MAN2A2: variants seen among roughly 807,000 people sequenced by gnomAD.
MAN2A2 encodes mannosidase alpha class 2A member 2, also known as alpha-mannosidase 2x.
MAN2A2 carries 79 observed loss-of-function variants against 126.8 expected under a neutral mutation model. That is an observed-to-expected ratio of 0.62 (90% CI 0.52 to 0.75). The LOEUF is 0.75. MAN2A2 is among the 30% of genes least tolerant of loss of function. The probability of loss-of-function intolerance (pLI) is 0.00; values close to 1 mark genes in which losing one functional copy is unlikely to be tolerated. For synonymous variants in MAN2A2, 671 were observed against 618.7 expected (o/e 1.08, Z -1.25); for missense variants, 1,392 against 1,522.4 (o/e 0.91, Z 1.43).
intron 19 of MAN2A2, chr15:90,915,609 ACAGT>A (rs1211291281): frequency 2.6e-5 from 4 of 152,496 alleles, no homozygotes; most frequent in African/African-American, 4.8e-5. Flanking sequence ...TAACACACAG[ACAGT>A]CAGAGCTTGA....
intron 5 of MAN2A2, 28 bp downstream of exon 5, chr15:90,906,044 G>A (rs774245905): frequency 6.7e-5 from 108 of 1,612,578 alleles, no homozygotes; most frequent in Non-Finnish European, 8.7e-5. Context: ...AGGCATGGGA[G>A]GGCATTGTCT....
intron 1 of MAN2A2, chr15:90,903,940 G>A (rs945837789): frequency 2.0e-6 from 1 of 507,740 alleles, no homozygotes; most frequent in Non-Finnish European, 3.6e-6. Context: ...CGCTCCAGTC[G>A]GAGCTGGGAC....
At chr15:90,904,425 C>A (rs1480990549) in intron 2 of MAN2A2, 86 bp downstream of exon 2, 2 of 1,429,334 alleles carry the variant, frequency 1.4e-6, no homozygotes, top group East Asian at 5.0e-5. Context: ...CCTCCCCTCC[C>A]ACCCCCCGCT....
In MAN2A2 at chr15:90,912,223, G is replaced by A. The variant is rs768828956; in HGVS notation, c.2290G>A (p.Ala764Thr). ...RVIDSGTSDF[A>T]LSNRYMQVWF... ...CATTGACTCTGGCACCAGCGACTTC[G>A]CCCTCAGCAACCGCTACATGCAGGT... The change falls in exon 15 of 23, where the codon GCC (alanine) becomes ACC (threonine). Residue 764 changes from alanine (A) to threonine (T), a missense_variant. Ala to Thr is a moderately conservative substitution (Grantham distance 58). Transcript: ENST00000559717. 6.2e-6 allele frequency: 10 copies of A among 1,614,088 alleles called. No homozygotes were observed. Among genetic ancestry groups the A allele is most frequent in the African/African-American group, 4.0e-5 (3 of 74,940 alleles).
upstream of MAN2A2, chr15:90,902,775 G>T (rs1429023684): frequency 6.8e-6 from 1 of 145,986 alleles, no homozygotes; most frequent in Non-Finnish European, 1.5e-5. Context: ...GGACCCGCGC[G>T]GGGCCGGCGC....
Position 90,918,288 on chromosome 15 carries a change from G to A in MAN2A2, c.3089G>A (p.Arg1030Lys), listed in dbSNP as rs2035340685. The change falls in exon 21 of 23, where the codon AGG becomes AAG. Residue 1030 changes from arginine (R) to lysine (K), a missense_variant. Coordinates refer to ENST00000559717, the MANE Select transcript of MAN2A2 (RefSeq NM_006122.4). ...CCGGCGCTCGCTCTGCCTGTAGCCA[G>A]GATGCAGCTCCCAGGCCCTGGTCTG... ...NAPALALPVA[R>K]MQLPGPGLRS... 1 of 1,614,190 alleles carries A rather than the reference G, an allele frequency of 6.2e-7. No individual in the cohort carries two copies. The highest frequency in any genetic ancestry group is 1.3e-5 in the African/African-American group (1 of 75,048).
chr15:90,910,612 G>A lies in MAN2A2; in HGVS notation c.1689G>A (p.Leu563=), dbSNP rs1366100519. The A allele has an allele frequency of 1.9e-6, 3 of 1,614,042 alleles. No homozygotes were observed. The Admixed American group carries it at 5.0e-5, about 27-fold the overall frequency. The stretch of plus-strand genomic sequence containing the variant: ...TCCTGACGGAAGCTCGGCGCACATT[G>A]GGGCTCTTCCAGCATCACGATGCCA... The part of the protein sequence containing the change: ...FTLLTEARRT[L]GLFQHHDAIT... Residue 563 remains leucine (L), a synonymous_variant, in exon 11 of 23, where the codon TTG becomes TTA. Coordinates refer to ENST00000559717, the MANE Select transcript of MAN2A2 (RefSeq NM_006122.4).
chr15:90,904,392 G>T, intron 2 of MAN2A2, 53 bp downstream of exon 2: 4 of 1,584,148 alleles, frequency 2.5e-6, no homozygotes, highest in Non-Finnish European at 3.4e-6. Flanking sequence ...CTGGGCTCAG[G>T]GTATGCACCT....
chr15:90,909,605 C>CCTTTTT (rs1491374744), intron 9 of MAN2A2, 101 bp downstream of exon 9: 6 of 849,456 alleles, frequency 7.1e-6, no homozygotes, highest in Non-Finnish European at 1.0e-5. Flanking sequence ...GGGTGCCCCC[C>CCTTTTT]TTTTTTTTTT....
chr15:90,919,480 C>T (rs971602714), intron 22 of MAN2A2, among the ~76,000 whole-genome samples, 155 bp from the exon 23 acceptor site: 8 of 152,242 alleles, frequency 5.3e-5, no homozygotes, highest in African/African-American at 1.9e-4. Flanking sequence ...CTCAGGTGAT[C>T]CACCCGCCTT....
At chr15:90,914,384 C>T (rs1188155038) in intron 19 of MAN2A2, among the ~76,000 whole-genome samples, 1 of 152,200 alleles carries the variant, frequency 6.6e-6, no homozygotes. Flanking sequence ...CTGAGGTGTG[C>T]AACCCTCTTC....
In MAN2A2 at chr15:90,913,586, C is replaced by T. The variant is rs1283900564; in HGVS notation, c.2719-28C>T. On this transcript the variant is annotated intron_variant, in intron 18 of 22. Transcript: ENST00000559717. ...TTGGGCCCACATGGTGCCCGGGTGC[C>T]CTTGATCTGCTGGCCTTGCCCCCAC... 3.8e-6 allele frequency: 6 copies of T among 1,599,768 alleles called. No homozygotes were observed. In the African/African-American group the frequency reaches 8.1e-5, roughly 21 times the overall value.
intron 19 of MAN2A2, 79 bp downstream of exon 19, chr15:90,913,834 G>A: frequency 6.8e-7 from 1 of 1,474,564 alleles, no homozygotes; most frequent in Non-Finnish European, 9.0e-7. Flanking sequence ...TCCCCGCTCT[G>A]TTGGCCTCCC....
chr15:90,918,704 C>T lies in MAN2A2; in HGVS notation c.3249C>T (p.Cys1083=), dbSNP rs144692053. 2.2e-4 allele frequency: 341 copies of T among 1,521,756 alleles called. 1 individual carries two copies. In the South Asian group the frequency reaches 2.3e-3, roughly 10 times the overall value. 94.3% of individuals were successfully genotyped at this position (1,521,756 alleles called of 1,614,324 possible). Residue 1083 remains cysteine (C), a synonymous_variant, in exon 22 of 23, where the codon TGC becomes TGT. Coordinates refer to ENST00000559717, the MANE Select transcript of MAN2A2 (RefSeq NM_006122.4). ...TCTTACACCGCAAGGGTTTTGACTG[C>T]GGCCTGGAGGCCAAGAACTTGGGCT... ...ALILHRKGFD[C]GLEAKNLGFN... is the part of the protein sequence containing the mutation.
intron 19 of MAN2A2, among the ~76,000 whole-genome samples, chr15:90,914,892 G>A (rs898543256): frequency 2.0e-5 from 3 of 152,214 alleles, no homozygotes; most frequent in Non-Finnish European, 4.4e-5. Context: ...AGCTGGTCAC[G>A]CTGGCAGCTC....
At chr15:90,916,530 T>G in intron 20 of MAN2A2, 1 of 1,409,764 alleles carries the variant, frequency 7.1e-7, no homozygotes, top group Non-Finnish European at 9.5e-7. Flanking sequence ...TGTCCCAGCA[T>G]TCTCTAAGCC....
chr15:90,911,158 C>T lies in MAN2A2; in HGVS notation c.1876-13C>T, dbSNP rs1172760312. 1.2e-6 allele frequency: 2 copies of T among 1,613,662 alleles called. No individual in the cohort carries two copies. The highest frequency in any genetic ancestry group is 1.7e-6 in the Non-Finnish European group (2 of 1,179,854). Reference sequence around the variant, plus strand: ...CCATGATGGTTCTTCCCTTCCGGCTCACTGAATTCCAGGATGACACTCGCT... The same window carrying T: ...CCATGATGGTTCTTCCCTTCCGGCTTACTGAATTCCAGGATGACACTCGCT... On this transcript the variant is annotated splice_polypyrimidine_tract_variant and intron_variant, in intron 12 of 22. Transcript: ENST00000559717.
chr15:90,904,772 T>C (rs1377657000), intron 2 of MAN2A2, among the ~76,000 whole-genome samples: 1 of 152,106 alleles, frequency 6.6e-6, no homozygotes, highest in East Asian at 1.9e-4. Flanking sequence ...GTATTTTTAG[T>C]AGAGACGAGA....
At position 90,905,669 on chromosome 15, in the gene MAN2A2, T is replaced by C; in HGVS notation, c.481T>C (p.Trp161Arg). The C allele has an allele frequency of 6.2e-7, 1 of 1,614,088 alleles. No individual in the cohort carries two copies. Among genetic ancestry groups the C allele is most frequent in the Non-Finnish European group, 8.5e-7 (1 of 1,180,008 alleles). The change falls in exon 4 of 23, where the codon TGG becomes CGG. Residue 161 changes from tryptophan (W) to arginine (R), a missense_variant. Physicochemically the swap from Trp to Arg is moderately radical, Grantham distance 101. Coordinates refer to ENST00000559717, the MANE Select transcript of MAN2A2 (RefSeq NM_006122.4). ...GFDISYDPHD[W>R]DAEDLQVFVV... is the part of the protein sequence containing the mutation. ...CGACATCTCCTACGACCCGCACGACTGGGATGCTGAAGACCTGCAGGTGTT... is the reference window on the plus strand; with the variant it reads ...CGACATCTCCTACGACCCGCACGACCGGGATGCTGAAGACCTGCAGGTGTT...
Sources: allele counts gnomAD v4.1 joint callset (sites outside exome capture counted in the v4.1 genomes callset), GRCh38; gene constraint gnomAD v4.1.1; transcripts MANE v1.5; gene names NCBI Gene and HGNC (gene_info 2026-07-23, HGNC 2026-07-21).